CACNB2: variants seen among roughly 807,000 people sequenced by gnomAD.
The protein encoded by CACNB2 is calcium voltage-gated channel auxiliary subunit beta 2, also known as voltage-dependent L-type calcium channel subunit beta-2.
Under a neutral mutation model 73.3 loss-of-function variants are expected in CACNB2, and 42 were observed. The observed-to-expected ratio is 0.57, with a 90% CI of 0.45 to 0.74. CACNB2 has a LOEUF of 0.74. Ranked by LOEUF, CACNB2 falls within the 30% of genes least tolerant of loss-of-function variation. CACNB2 has a pLI of 0.00. For missense variants in CACNB2, 940 were observed against 853.0 expected, an observed-to-expected ratio of 1.10 and a Z score of -1.27; for synonymous variants, 348 against 310.3, an observed-to-expected ratio of 1.12 and a Z score of -1.28.
intron 1 of CACNB2, among the ~76,000 whole-genome samples, chr10:18,145,244 G>C (rs988782041): frequency 2.0e-5 from 3 of 152,220 alleles, no homozygotes; most frequent in Admixed American, 6.5e-5. Context: ...AGTAGCAGCT[G>C]TTTTCTAGTG....
intron 5 of CACNB2, among the ~76,000 whole-genome samples, chr10:18,504,764 CCTCCCAAGTAGCTGGGA>C (rs2050398481): frequency 6.6e-6 from 1 of 152,092 alleles, no homozygotes; most frequent in Admixed American, 6.6e-5. Context: ...CCTGCTTCAG[CCTCCCAAGTAGCTGGGA>C]CTACAGGCAT....
intron 2 of CACNB2, among the ~76,000 whole-genome samples, chr10:18,220,239 A>AGAGAGGGGGGG (rs1564354026): frequency 1.3e-4 from 9 of 69,436 alleles, no homozygotes; most frequent in African/African-American, 8.0e-4. Context: ...ATATAGAGAG[A>AGAGAGGGGGGG]GAGAGAGAGA....
chr10:18,190,321 A>T lies in CACNB2; in HGVS notation c.213+39346A>T, dbSNP rs770449914. On this transcript the variant is annotated intron_variant, in intron 2 of 13. Coordinates refer to ENST00000324631, the MANE Select transcript of CACNB2 (RefSeq NM_201596.3). ...ACATGATGGCACAGGGGTCGCTTCC[A>T]GTCCCTCAGTGTATTCCCTTCAGTT... Among the ~76,000 whole-genome samples, 18 of 152,282 alleles carry T rather than the reference A, an allele frequency of 1.2e-4. No individual in the cohort carries two copies. In the Middle Eastern group the frequency reaches 0.01, roughly 86 times the overall value.
At chr10:18,494,322 C>T (rs1282361238) in intron 3 of CACNB2, among the ~76,000 whole-genome samples, 2 of 152,020 alleles carry the variant, frequency 1.3e-5, no homozygotes, top group African/African-American at 4.8e-5. Flanking sequence ...AACTCTGTAT[C>T]TTCCAAGGAA....
intron 3 of CACNB2, among the ~76,000 whole-genome samples, chr10:18,443,373 A>G (rs74121223): frequency 1.9e-4 from 29 of 151,858 alleles, no homozygotes; most frequent in Middle Eastern, 6.8e-3. Flanking sequence ...TAGGGAACCA[A>G]TGAGGCTTCT....
intron 2 of CACNB2, among the ~76,000 whole-genome samples, chr10:18,282,941 A>G (rs1266429534): frequency 6.6e-6 from 1 of 152,254 alleles, no homozygotes; most frequent in Middle Eastern, 3.2e-3. Context: ...GCTAATATCC[A>G]GAATCTACAA....
rs1353202946 is a variant in CACNB2, at chr10:18,506,555, G to C, written c.670+8G>C. On this transcript the variant is annotated splice_region_variant and intron_variant, in intron 6 of 13. Coordinates refer to ENST00000324631, the MANE Select transcript of CACNB2 (RefSeq NM_201596.3). The stretch of plus-strand genomic sequence containing the variant: ...CAACACCTCCATCATCTGGTAAGTA[G>C]GTGATAAATGCTGAATAATACATAC... The C allele has an allele frequency of 2.6e-6, 4 of 1,539,006 alleles. No individual in the cohort carries two copies. In the Admixed American group the frequency reaches 6.7e-5, roughly 26 times the overall value.
chr10:18,502,913 G>A (rs371701061), intron 5 of CACNB2, among the ~76,000 whole-genome samples: 3 of 151,822 alleles, frequency 2.0e-5, no homozygotes, highest in South Asian at 4.2e-4. Context: ...CCTGTGACAT[G>A]CAGTTTACCT....
At chr10:18,155,819 C>G (rs893336200) in intron 2 of CACNB2, among the ~76,000 whole-genome samples, 1 of 151,220 alleles carries the variant, frequency 6.6e-6, no homozygotes, top group African/African-American at 2.4e-5. Flanking sequence ...CACAATTTAA[C>G]TGTGGCTAGG....
intron 2 of CACNB2, among the ~76,000 whole-genome samples, chr10:18,285,560 G>C: frequency 6.6e-6 from 1 of 152,196 alleles, no homozygotes; most frequent in East Asian, 1.9e-4. Flanking sequence ...TACCATGTCA[G>C]AGTCCTCAAA....
At chr10:18,435,618 C>T (rs2046094388) in intron 3 of CACNB2, among the ~76,000 whole-genome samples, 1 of 152,092 alleles carries the variant, frequency 6.6e-6, no homozygotes. Flanking sequence ...CCCTCCTCAG[C>T]CTCCCAAGTA....
intron 2 of CACNB2, among the ~76,000 whole-genome samples, chr10:18,387,783 C>A (rs1489162956): frequency 2.0e-5 from 3 of 151,392 alleles, no homozygotes; most frequent in Non-Finnish European, 4.4e-5. Flanking sequence ...TAGCGACAGG[C>A]TCTCATTCTG....
chr10:18,229,487 G>A (rs140524527), intron 2 of CACNB2, among the ~76,000 whole-genome samples: 7 of 152,242 alleles, frequency 4.6e-5, no homozygotes, highest in Admixed American at 6.5e-5. Flanking sequence ...AAAGCAAATA[G>A]AAAATGCACT....
intron 2 of CACNB2, among the ~76,000 whole-genome samples, chr10:18,224,515 T>C (rs1327692899): frequency 6.6e-6 from 1 of 152,176 alleles, no homozygotes; most frequent in Non-Finnish European, 1.5e-5. Flanking sequence ...AATTTCTTTC[T>C]CTAACCCACG....
At chr10:18,177,348 A>C (rs1475574442) in intron 2 of CACNB2, among the ~76,000 whole-genome samples, 2 of 151,934 alleles carry the variant, frequency 1.3e-5, no homozygotes, top group East Asian at 3.9e-4. Flanking sequence ...GGCTGGGCAC[A>C]GTGGCTCATG....
intron 2 of CACNB2, among the ~76,000 whole-genome samples, chr10:18,372,589 T>G (rs2042633998): frequency 6.6e-6 from 1 of 152,132 alleles, no homozygotes. Flanking sequence ...GTATTTTTAG[T>G]AGAGACAGGG....
chr10:18,417,074 CT>C (rs1261689676), intron 3 of CACNB2, among the ~76,000 whole-genome samples: 1 of 150,218 alleles, frequency 6.7e-6, no homozygotes, highest in African/African-American at 2.4e-5. Flanking sequence ...TTAATGTTTC[CT>C]CTTTGTTTCA....
rs201541448 is a variant in CACNB2, at chr10:18,518,294, A to C, written c.805-42A>C. The C allele has an allele frequency of 7.2e-5, 94 of 1,296,600 alleles. No individual in the cohort carries two copies. In the African/African-American group the frequency reaches 1.3e-3, roughly 17 times the overall value. 80.3% of individuals were successfully genotyped at this position (1,296,600 alleles called of 1,614,324 possible). A position where few individuals can be genotyped will look rare whatever the true frequency, so the allele number is the denominator to read the frequency against. On this transcript the variant is annotated intron_variant, in intron 7 of 13. Transcript: ENST00000324631. ...CTTATACACAAAATATTTATGTTCT[A>C]CCTGCCTGTGAAACGTCTAAAAGCC...
Position 18,400,811 on chromosome 10 carries a change from G to T in CACNB2, c.214-1113G>T. 4 of 1,441,078 alleles carry T rather than the reference G, an allele frequency of 2.8e-6. No homozygotes were observed. The South Asian group carries it at 5.9e-5, about 21-fold the overall frequency. The allele number at this position is 1,441,078 out of a possible 1,614,324, so 89.3% of individuals were successfully genotyped here. A position where few individuals can be genotyped will look rare whatever the true frequency, so the allele number is the denominator to read the frequency against. ...TTTTAAAGCAATATAAAGCACTCGAGTGTGTGTTTTCAGCCCCTCCTGGAA... is the reference window on the plus strand; with the variant it reads ...TTTTAAAGCAATATAAAGCACTCGATTGTGTGTTTTCAGCCCCTCCTGGAA... On this transcript the variant is annotated intron_variant, in intron 2 of 13. Coordinates refer to ENST00000324631, the MANE Select transcript of CACNB2 (RefSeq NM_201596.3).
Sources: allele counts gnomAD v4.1 joint callset (sites outside exome capture counted in the v4.1 genomes callset), GRCh38; gene constraint gnomAD v4.1.1; transcripts MANE v1.5; gene names NCBI Gene and HGNC (gene_info 2026-07-23, HGNC 2026-07-21).